FYB1: variants seen among roughly 807,000 people sequenced by gnomAD.
The protein encoded by FYB1 is FYN binding protein 1, also known as FYN-binding protein 1.
FYB1 carries 41 observed loss-of-function variants against 94.1 expected under a neutral mutation model. The ratio of observed to expected loss-of-function variants is 0.44; its 90% CI spans 0.34 to 0.57. The LOEUF (loss-of-function observed/expected upper bound fraction) is 0.57, where lower values mean the gene tolerates loss of function less well. FYB1 is among the 20% of genes least tolerant of loss of function. The pLI is 0.02. For missense variants in FYB1, 1,050 were observed against 976.8 expected (o/e 1.07, Z -1.00); for synonymous variants, 367 against 353.2 (o/e 1.04, Z -0.44).
At chr5:39,270,535 G>C (rs1226197661) in intron 1 of FYB1, 1 of 1,528,800 alleles carries the variant, frequency 6.5e-7, no homozygotes, top group Admixed American at 2.0e-5. Context: ...CATTTGCCAG[G>C]AGACCAAGGA....
At chr5:39,134,064 A>G in intron 9 of FYB1, 144 bp downstream of exon 9, 1 of 559,216 alleles carries the variant, frequency 1.8e-6, no homozygotes, top group Non-Finnish European at 3.1e-6. Flanking sequence ...CCTTTCACCC[A>G]TGTTGGGGTT....
chr5:39,147,476 G>GTGTGTC (rs1662811240), intron 3 of FYB1, among the ~76,000 whole-genome samples: 2 of 124,944 alleles, frequency 1.6e-5, no homozygotes, highest in Non-Finnish European at 3.8e-5. Flanking sequence ...GTGTGTGTGT[G>GTGTGTC]TGTGTGTGTG....
intron 3 of FYB1, among the ~76,000 whole-genome samples, chr5:39,151,934 G>C (rs1313768352): frequency 6.6e-6 from 1 of 152,006 alleles, no homozygotes; most frequent in African/African-American, 2.4e-5. Context: ...ATAAACTTTT[G>C]AGCCCAAACA....
chr5:39,132,165 G>A (rs1458270665), intron 9 of FYB1, among the ~76,000 whole-genome samples: 1 of 152,186 alleles, frequency 6.6e-6, no homozygotes, highest in African/African-American at 2.4e-5. Context: ...GGAGTTTGAA[G>A]CACTCACAGC....
intron 1 of FYB1, among the ~76,000 whole-genome samples, chr5:39,272,744 G>A (rs1752702316): frequency 6.6e-6 from 1 of 151,382 alleles, no homozygotes; most frequent in Non-Finnish European, 1.5e-5. Context: ...CCAGTAAGTT[G>A]GACACAAATT....
chr5:39,156,782 T>A (rs1272087027), intron 2 of FYB1, among the ~76,000 whole-genome samples: 1 of 152,214 alleles, frequency 6.6e-6, no homozygotes, highest in African/African-American at 2.4e-5. Flanking sequence ...TAGAGTCTAA[T>A]GATTGACTCT....
chr5:39,129,107 A>G (rs1448769725), intron 10 of FYB1, among the ~76,000 whole-genome samples: 1 of 152,104 alleles, frequency 6.6e-6, no homozygotes, highest in Admixed American at 6.6e-5. Flanking sequence ...GTATAAAAAT[A>G]GAAACAAAAA....
At chr5:39,237,238 T>C (rs1751005163) in intron 1 of FYB1, among the ~76,000 whole-genome samples, 1 of 151,768 alleles carries the variant, frequency 6.6e-6, no homozygotes, top group African/African-American at 2.4e-5. Flanking sequence ...ATAAATCGAG[T>C]CGAAAGGCAA....
chr5:39,168,073 T>C (rs1172516003), intron 2 of FYB1, among the ~76,000 whole-genome samples: 1 of 152,240 alleles, frequency 6.6e-6, no homozygotes, highest in African/African-American at 2.4e-5. Context: ...AAACTAGATG[T>C]GTCTCTGTGT....
At chr5:39,247,391 A>G (rs1001765668) in intron 1 of FYB1, among the ~76,000 whole-genome samples, 9 of 152,000 alleles carry the variant, frequency 5.9e-5, no homozygotes, top group Non-Finnish European at 1.3e-4. Context: ...TTGACACATG[A>G]TAAAATCTTT....
chr5:39,185,569 TATATATATACATATATAC>T (rs1287472269), intron 2 of FYB1, among the ~76,000 whole-genome samples: 10 of 143,508 alleles, frequency 7.0e-5, no homozygotes, highest in Middle Eastern at 3.6e-3. Flanking sequence ...TGTGTGTGTG[TATATATATACATATATAC>T]ATATATATAC....
chr5:39,166,245 T>C (rs551762397), intron 2 of FYB1, among the ~76,000 whole-genome samples: 1 of 152,252 alleles, frequency 6.6e-6, no homozygotes, highest in African/African-American at 2.4e-5. Context: ...AAGACCAGCC[T>C]GACCAACATG....
intron 3 of FYB1, among the ~76,000 whole-genome samples, chr5:39,144,678 T>C (rs1276438865): frequency 6.6e-6 from 1 of 152,128 alleles, no homozygotes. Flanking sequence ...GGCGGGCGTC[T>C]GTAATCCCAG....
intron 1 of FYB1, among the ~76,000 whole-genome samples, chr5:39,205,613 C>T (rs1273240490): frequency 6.6e-6 from 1 of 152,144 alleles, no homozygotes; most frequent in African/African-American, 2.4e-5. Context: ...TACCCTAGCC[C>T]ATGATCAAAC....
At chr5:39,270,140 T>A (rs1355068708) in intron 1 of FYB1, among the ~76,000 whole-genome samples, 1 of 152,062 alleles carries the variant, frequency 6.6e-6, no homozygotes, top group Non-Finnish European at 1.5e-5. Flanking sequence ...ACAAAAGAGG[T>A]CCCTTTGTAA....
chr5:39,213,451 T>C (rs895871814), intron 1 of FYB1, among the ~76,000 whole-genome samples: 2 of 152,224 alleles, frequency 1.3e-5, no homozygotes, highest in Admixed American at 6.5e-5. Context: ...GAATCCCTTG[T>C]CATTGCAAGG....
intron 1 of FYB1, among the ~76,000 whole-genome samples, chr5:39,268,303 C>T (rs1752520566): frequency 6.6e-6 from 1 of 151,020 alleles, no homozygotes; most frequent in Non-Finnish European, 1.5e-5. Context: ...TCATTCATCA[C>T]TGCCGCCTTG....
intron 14 of FYB1, among the ~76,000 whole-genome samples, chr5:39,121,644 T>C (rs917191102): frequency 2.0e-5 from 3 of 152,116 alleles, no homozygotes; most frequent in Non-Finnish European, 2.9e-5. Context: ...AATCATTTCA[T>C]GTATTTATTG....
At chr5:39,185,558 TTG>T (rs529142410) in intron 2 of FYB1, among the ~76,000 whole-genome samples, 67 of 138,188 alleles carry the variant, frequency 4.8e-4, no homozygotes, top group African/African-American at 1.2e-3. Flanking sequence ...TATGATATGA[TTG>T]TGTGTGTGTA....
Sources: gnomAD v4.1 joint callset for allele counts (sites outside exome capture counted in the v4.1 genomes callset) on GRCh38, gnomAD v4.1.1 for gene constraint, MANE v1.5 for transcripts, NCBI Gene and HGNC (gene_info 2026-07-23, HGNC 2026-07-21) for gene names.